CFAP157: variants seen among roughly 807,000 people sequenced by gnomAD.
The protein encoded by CFAP157 is cilia- and flagella-associated protein 157.
CFAP157 carries 43 observed loss-of-function variants against 57.8 expected under a neutral mutation model. The observed-to-expected ratio is 0.74, with a 90% CI of 0.58 to 0.96. CFAP157 has a LOEUF of 0.96. CFAP157 is among the 40% of genes least tolerant of loss of function. The pLI, the probability that CFAP157 is intolerant of heterozygous loss-of-function variation, is 0.00. For missense variants in CFAP157, 606 were observed against 655.3 expected (o/e 0.92, Z 0.82); for synonymous variants, 267 against 269.0 (o/e 0.99, Z 0.07).
At position 127,714,933 on chromosome 9, in the gene CFAP157, C is replaced by T; in HGVS notation, c.*1028C>T. On this transcript the variant is annotated 3_prime_UTR_variant, in exon 9 of 9. Coordinates refer to ENST00000373295, the MANE Select transcript of CFAP157 (RefSeq NM_001012502.3). The stretch of plus-strand genomic sequence containing the variant: ...TCTGGCCCCCGCGCCCCAACCCCCA[C>T]CCCCTTGGCCCGCCCGCCCACCCCT... The T allele has an allele frequency of 1.5e-6, 1 of 653,262 alleles. No homozygotes were observed. Among genetic ancestry groups the T allele is most frequent in the Non-Finnish European group, 2.6e-6 (1 of 385,192 alleles). The allele number at this position is 653,262 out of a possible 1,614,324, so 40.5% of individuals were successfully genotyped here. A position where few individuals can be genotyped will look rare whatever the true frequency, so the allele number is the denominator to read the frequency against.
At position 127,707,167 on chromosome 9, in the gene CFAP157, C is replaced by T. The variant is rs370812081; in HGVS notation, c.136C>T (p.Arg46Ter). 1.3e-4 allele frequency: 208 copies of T among 1,613,140 alleles called. No homozygotes were observed. Among genetic ancestry groups the T allele is most frequent in the Middle Eastern group, 5.0e-4 (3 of 6,016 alleles). The stretch of plus-strand genomic sequence containing the variant: ...GAAGGAGTTCTACCACATCCAGATC[C>T]GAGACCTGGAGGACCGGCTAGCCCG... ...EMKEFYHIQI[R>*]DLEDRLARYQ... The change falls in exon 1 of 9, where the codon CGA becomes TGA. Residue 46 changes from arginine to a stop codon, truncating the protein, a stop_gained. Coordinates refer to ENST00000373295, the MANE Select transcript of CFAP157 (RefSeq NM_001012502.3). LOFTEE classifies it high-confidence loss of function.
In CFAP157 at chr9:127,715,629, C is replaced by T. The variant is rs764714669; in HGVS notation, c.*1724C>T. 23 of 1,612,172 alleles carry T rather than the reference C, an allele frequency of 1.4e-5. No individual in the cohort carries two copies. Among genetic ancestry groups the T allele is most frequent in the Non-Finnish European group, 1.9e-5 (22 of 1,179,894 alleles). ...CCGCTGTCCGGCGCCCAAAAAGCCG[C>T]CCGGCCTCATGCTGCCCCCATTCAC... On this transcript the variant is annotated 3_prime_UTR_variant, in exon 9 of 9. Coordinates refer to ENST00000373295, the MANE Select transcript of CFAP157 (RefSeq NM_001012502.3). This position sits in a 1 kb window ranked among gnomAD's most constrained non-coding sequence, Gnocchi z 5.8.
chr9:127,715,584 C>A lies in CFAP157; in HGVS notation c.*1679C>A. On this transcript the variant is annotated 3_prime_UTR_variant, in exon 9 of 9. Coordinates refer to ENST00000373295, the MANE Select transcript of CFAP157 (RefSeq NM_001012502.3). The surrounding 1 kb of genome is among the most constrained non-coding windows in gnomAD (Gnocchi z 5.8). ...CGGGGGGCGAGGCTCCAAAACACAT[C>A]GGCTCATGGCTCTACTCAGCCGCTG... 3 of 1,613,470 alleles carry A rather than the reference C, an allele frequency of 1.9e-6. No individual in the cohort carries two copies. The highest frequency in any genetic ancestry group is 2.5e-6 in the Non-Finnish European group (3 of 1,180,036).
chr9:127,715,017 G>C lies in CFAP157; in HGVS notation c.*1112G>C, dbSNP rs1163885555. The C allele has an allele frequency of 7.3e-7, 1 of 1,369,680 alleles. No individual in the cohort carries two copies. The highest frequency in any genetic ancestry group is 1.5e-5 in the African/African-American group (1 of 65,116). The allele number at this position is 1,369,680 out of a possible 1,614,324, so 84.8% of individuals were successfully genotyped here. On this transcript the variant is annotated 3_prime_UTR_variant, in exon 9 of 9. Coordinates refer to ENST00000373295, the MANE Select transcript of CFAP157 (RefSeq NM_001012502.3). The surrounding 1 kb of genome is among the most constrained non-coding windows in gnomAD (Gnocchi z 5.8). ...CGCCCGTTGGCGTTCATAAGCCGCC[G>C]TGGCCGGAGCAGGACCAGTTGGGCA... is the stretch of plus-strand genomic sequence containing the variant.
rs1244196089 is a variant in CFAP157, at chr9:127,711,837, TAAG to T, written c.877_879del (p.Lys293del). ...ACCCGCAGATCATCCTCATGCTGAC[TAAG>T]AAGTGCCAGGAGCAGCAGCAGGACA... On this transcript the variant is annotated inframe_deletion, in exon 5 of 9. Transcript: ENST00000373295. The T allele has an allele frequency of 6.4e-7, 1 of 1,570,844 alleles. No individual in the cohort carries two copies. The highest frequency in any genetic ancestry group is 8.6e-7 in the Non-Finnish European group (1 of 1,158,286).
Position 127,715,426 on chromosome 9 carries a change from T to A in CFAP157, c.*1521T>A. ...AAGAAGTTTGGAGCCCGTCGAGCACTGAACTCACCAGTTAAGAAAACAGAG... is the reference window on the plus strand; with the variant it reads ...AAGAAGTTTGGAGCCCGTCGAGCACAGAACTCACCAGTTAAGAAAACAGAG... On this transcript the variant is annotated 3_prime_UTR_variant, in exon 9 of 9. Coordinates refer to ENST00000373295, the MANE Select transcript of CFAP157 (RefSeq NM_001012502.3). The surrounding 1 kb of genome is among the most constrained non-coding windows in gnomAD (Gnocchi z 5.8). 1 of 1,446,654 alleles carries A rather than the reference T, an allele frequency of 6.9e-7. No individual in the cohort carries two copies. The highest frequency in any genetic ancestry group is 1.2e-5 in the South Asian group (1 of 83,638). The allele number at this position is 1,446,654 out of a possible 1,614,324, so 89.6% of individuals were successfully genotyped here.
Position 127,715,721 on chromosome 9 carries a change from AC to A in CFAP157, c.*1818del. On this transcript the variant is annotated 3_prime_UTR_variant, in exon 9 of 9. Coordinates refer to ENST00000373295, the MANE Select transcript of CFAP157 (RefSeq NM_001012502.3). This position sits in a 1 kb window ranked among gnomAD's most constrained non-coding sequence, Gnocchi z 5.8. ...TCGTGTTGCCAACTGTTTGGCGTCC[AC>A]CGCCAACGTCCAATCCGGGCCGGGC... The A allele has an allele frequency of 6.4e-7, 1 of 1,552,236 alleles. No individual in the cohort carries two copies. The highest frequency in any genetic ancestry group is 2.4e-5 in the East Asian group (1 of 41,546).
At position 127,715,364 on chromosome 9, in the gene CFAP157, G is replaced by A. The variant is rs1236919774; in HGVS notation, c.*1459G>A. The A allele has an allele frequency of 1.6e-5, 20 of 1,223,572 alleles. No individual in the cohort carries two copies. The highest frequency in any genetic ancestry group is 2.2e-5 in the Non-Finnish European group (19 of 860,060). 75.8% of individuals were successfully genotyped at this position (1,223,572 alleles called of 1,614,324 possible). On this transcript the variant is annotated 3_prime_UTR_variant, in exon 9 of 9. Transcript: ENST00000373295. The surrounding 1 kb of genome is among the most constrained non-coding windows in gnomAD (Gnocchi z 5.8). The stretch of plus-strand genomic sequence containing the variant: ...CGACCCCTGAGAACTCCAGAAGGCT[G>A]GGCAGGCAGGGCGCCCTAGTGCAGG...
chr9:127,714,449 T>C lies in CFAP157; in HGVS notation c.*544T>C, dbSNP rs766063958. 1 of 1,613,558 alleles carries C rather than the reference T, an allele frequency of 6.2e-7. No homozygotes were observed. Among genetic ancestry groups the C allele is most frequent in the Admixed American group, 1.7e-5 (1 of 60,020 alleles). ...CCTTCAAGGGATATGGGAGGGGCAG[T>C]TAGTGCCTCCCTGGGGCAGTGTCCT... On this transcript the variant is annotated 3_prime_UTR_variant, in exon 9 of 9. Coordinates refer to ENST00000373295, the MANE Select transcript of CFAP157 (RefSeq NM_001012502.3).
chr9:127,710,619 TG>T lies in CFAP157; in HGVS notation c.454del (p.Glu152ArgfsTer46). 6.3e-7 allele frequency: 1 copy of T among 1,585,424 alleles called. No homozygotes were observed. Among genetic ancestry groups the T allele is most frequent in the Non-Finnish European group, 8.6e-7 (1 of 1,165,660 alleles). On this transcript the variant is annotated frameshift_variant, in exon 3 of 9. Transcript: ENST00000373295. LOFTEE classifies it high-confidence loss of function. ...NIILGGKLAA[L>X]EEFRLQKEEV... is the part of the protein sequence containing the mutation. ...CGGCCAGGGGGGAAGCTGGCAGCCC[TG>T]GAGGAGTTCCGGCTGCAGAAAGAGG...
chr9:127,712,701 A>G lies in CFAP157; in HGVS notation c.1138-8A>G. The G allele has an allele frequency of 6.2e-7, 1 of 1,614,112 alleles. No homozygotes were observed. Among genetic ancestry groups the G allele is most frequent in the Non-Finnish European group, 8.5e-7 (1 of 1,179,988 alleles). On this transcript the variant is annotated splice_polypyrimidine_tract_variant and splice_region_variant and intron_variant, in intron 6 of 8. Coordinates refer to ENST00000373295, the MANE Select transcript of CFAP157 (RefSeq NM_001012502.3). ...GTGGGCCTGCTGCCACCCCACCCTCACCAACAGATGCACCGCGATGAAGAG... is the reference window on the plus strand; with the variant it reads ...GTGGGCCTGCTGCCACCCCACCCTCGCCAACAGATGCACCGCGATGAAGAG...
At chr9:127,707,501 T>C (rs1429992590) in intron 1 of CFAP157, among the ~76,000 whole-genome samples, 6 of 151,816 alleles carry the variant, frequency 4.0e-5, no homozygotes, top group Non-Finnish European at 8.8e-5. Context: ...GATCACAGGC[T>C]TTATGAAAGG....
At position 127,715,054 on chromosome 9, in the gene CFAP157, G is replaced by T; in HGVS notation, c.*1149G>T. The T allele has an allele frequency of 6.6e-7, 1 of 1,526,500 alleles. No individual in the cohort carries two copies. 94.6% of individuals were successfully genotyped at this position (1,526,500 alleles called of 1,614,324 possible). On this transcript the variant is annotated 3_prime_UTR_variant, in exon 9 of 9. Coordinates refer to ENST00000373295, the MANE Select transcript of CFAP157 (RefSeq NM_001012502.3). This position sits in a 1 kb window ranked among gnomAD's most constrained non-coding sequence, Gnocchi z 5.8. Reference sequence around the variant, plus strand: ...GGACCAGTTGGGCATCCCCCAGCGGGGCCAGGGCGAGGTCGGCGGCACAGT... The same window carrying T: ...GGACCAGTTGGGCATCCCCCAGCGGTGCCAGGGCGAGGTCGGCGGCACAGT...
Position 127,713,835 on chromosome 9 carries a change from T to G in CFAP157, c.1493T>G (p.Met498Arg). 6.2e-7 allele frequency: 1 copy of G among 1,613,766 alleles called. No individual in the cohort carries two copies. Among genetic ancestry groups the G allele is most frequent in the Non-Finnish European group, 8.5e-7 (1 of 1,179,926 alleles). ...AAGCCAGCATCTTTAATCTTACAGATGCGTGCCCCTGGTTCTCTAAAAAGG... is the reference window on the plus strand; with the variant it reads ...AAGCCAGCATCTTTAATCTTACAGAGGCGTGCCCCTGGTTCTCTAAAAAGG... Reference protein sequence around the residue: ...GTFRAHSSPEMRAPGSLKRLE... With the variant: ...GTFRAHSSPERRAPGSLKRLE... The change falls in exon 9 of 9, where the codon ATG (methionine) becomes AGG (arginine). Residue 498 changes from methionine to arginine, a missense_variant and splice_region_variant. Physicochemically the swap from Met to Arg is moderately conservative, Grantham distance 91 (BLOSUM62 -1). Transcript: ENST00000373295.
At chr9:127,707,257 A>G in intron 1 of CFAP157, 65 bp downstream of exon 1, 2 of 1,567,042 alleles carry the variant, frequency 1.3e-6, no homozygotes, top group African/African-American at 2.7e-5. Flanking sequence ...GGTGGCCCCC[A>G]TGCAGGTTTG....
rs1291023107 is a variant in CFAP157, at chr9:127,715,480, G to C, written c.*1575G>C. 1.2e-6 allele frequency: 2 copies of C among 1,607,354 alleles called. No homozygotes were observed. Among genetic ancestry groups the C allele is most frequent in the South Asian group, 2.2e-5 (2 of 90,656 alleles). ...CAATTTGGGGGCACTCGGCTCCCGG[G>C]ACATAATGGCCGAACTGAAGCTAGG... On this transcript the variant is annotated 3_prime_UTR_variant, in exon 9 of 9. Transcript: ENST00000373295. The surrounding 1 kb of genome is among the most constrained non-coding windows in gnomAD (Gnocchi z 5.8).
At chr9:127,713,508 T>C (rs1357340443) in intron 8 of CFAP157, 12 of 274,978 alleles carry the variant, frequency 4.4e-5, no homozygotes, top group Non-Finnish European at 7.1e-5. Flanking sequence ...TTTTTTTTTT[T>C]TTTTTTTTTT....
At chr9:127,711,117 A>C in intron 3 of CFAP157, 112 bp from the exon 4 acceptor site, 10 of 1,298,062 alleles carry the variant, frequency 7.7e-6, no homozygotes, top group Non-Finnish European at 1.1e-5. Context: ...TCCCAGGGAG[A>C]GAGCATGCTG....
Position 127,710,648 on chromosome 9 carries a change from G to T in CFAP157, c.481G>T (p.Val161Phe). The T allele has an allele frequency of 6.3e-7, 1 of 1,587,458 alleles. No individual in the cohort carries two copies. The highest frequency in any genetic ancestry group is 8.6e-7 in the Non-Finnish European group (1 of 1,166,552). Residue 161 changes from valine (V) to phenylalanine (F), a missense_variant, in exon 3 of 9, where the codon GTC (valine) becomes TTC (phenylalanine). Transcript: ENST00000373295. ...LEEFRLQKEE[V>F]TDKFTLLEEQ... Reference sequence around the variant, plus strand: ...GGAGTTCCGGCTGCAGAAAGAGGAGGTCACGGACAAGTTCACATTGCTGGA... The same window carrying T: ...GGAGTTCCGGCTGCAGAAAGAGGAGTTCACGGACAAGTTCACATTGCTGGA...
Sources: allele counts gnomAD v4.1 joint callset (sites outside exome capture counted in the v4.1 genomes callset), GRCh38; gene constraint gnomAD v4.1.1; non-coding constraint Gnocchi (gnomAD v3.1); transcripts MANE v1.5; gene names NCBI Gene and HGNC (gene_info 2026-07-23, HGNC 2026-07-21).